KIF19: variants seen among roughly 807,000 people sequenced by gnomAD.
KIF19 encodes the protein kinesin family member 19.
A neutral mutation model predicts 106.6 loss-of-function variants in KIF19; 98 were observed. The observed-to-expected ratio is 0.92, with a 90% confidence interval of 0.78 to 1.09. The LOEUF (loss-of-function observed/expected upper bound fraction) is 1.09, where lower values mean the gene tolerates loss of function less well. Ranked by LOEUF, KIF19 falls within the 50% of genes least tolerant of loss-of-function variation. The probability of loss-of-function intolerance (pLI) is 0.00; values close to 1 mark genes in which losing one functional copy is unlikely to be tolerated. For synonymous variants in KIF19, 516 were observed against 584.2 expected (o/e 0.88, Z 1.68); for missense variants, 1,373 against 1,414.3 (o/e 0.97, Z 0.47).
Position 74,342,640 on chromosome 17 carries a change from A to C in KIF19, c.242A>C (p.Tyr81Ser). 6.2e-7 allele frequency: 1 copy of C among 1,613,202 alleles called. No individual in the cohort carries two copies. Among genetic ancestry groups the C allele is most frequent in the Non-Finnish European group, 8.5e-7 (1 of 1,179,586 alleles). Reference sequence around the variant, plus strand: ...CTTCCTTCCTCGCAGGAGATGGTGTATCAGGCCACCACCAAGAGCCTCATC... The same window carrying C: ...CTTCCTTCCTCGCAGGAGATGGTGTCTCAGGCCACCACCAAGAGCCTCATC... Reference protein sequence around the residue: ...FDFTATQEMVYQATTKSLIEG... With the variant: ...FDFTATQEMVSQATTKSLIEG... Residue 81 changes from tyrosine (Y) to serine (S), a missense_variant, in exon 4 of 20, where the codon TAT becomes TCT. Tyr to Ser is a moderately radical substitution (Grantham distance 144, BLOSUM62 -2). Coordinates refer to ENST00000389916, the MANE Select transcript of KIF19 (RefSeq NM_153209.4).
chr17:74,334,460 T>C (rs2054174456), intron 2 of KIF19, among the ~76,000 whole-genome samples: 4 of 152,148 alleles, frequency 2.6e-5, no homozygotes. Flanking sequence ...TATTCTTGGT[T>C]ATACACACTC....
intron 4 of KIF19, 144 bp downstream of exon 4, chr17:74,342,861 C>A: frequency 1.7e-6 from 2 of 1,184,742 alleles, no homozygotes; most frequent in Non-Finnish European, 2.4e-6. Context: ...GCCCCAGAGG[C>A]CCCAACCCGA....
chr17:74,343,411 ACCTCACCAT>A (rs1239194861), intron 5 of KIF19, among the ~76,000 whole-genome samples: 2 of 152,046 alleles, frequency 1.3e-5, no homozygotes, highest in East Asian at 3.9e-4. Context: ...CACGCTCACC[ACCTCACCAT>A]CCTCACAGGC....
intron 3 of KIF19, 32 bp downstream of exon 3, chr17:74,342,018 G>T (rs765042545): frequency 7.1e-7 from 1 of 1,416,458 alleles, no homozygotes; most frequent in Non-Finnish European, 9.3e-7. Context: ...AGACACGCAG[G>T]AGCCCCTCCC....
intron 2 of KIF19, 42 bp downstream of exon 2, chr17:74,328,547 G>A (rs762684759): frequency 6.6e-7 from 1 of 1,518,028 alleles, no homozygotes; most frequent in African/African-American, 1.4e-5. Flanking sequence ...GCAGAGGTCT[G>A]CTCAGATGGC....
chr17:74,354,407 G>T lies in KIF19; in HGVS notation c.2554G>T (p.Glu852Ter), dbSNP rs372963418. Residue 852 changes from glutamate (E) to a stop codon, truncating the protein, a stop_gained, in exon 18 of 20, where the codon GAG becomes TAG. Coordinates refer to ENST00000389916, the MANE Select transcript of KIF19 (RefSeq NM_153209.4). LOFTEE classifies it high-confidence loss of function. Reference protein sequence around the residue: ...SEDNLSSSTGEAPSRAVGHHG... With the variant: ...SEDNLSSSTG Reference sequence around the variant, plus strand: ...GGACAACCTGTCCAGCAGCACGGGCGAGGCCCCGTCCCGGGCAGTCGGACA... The same window carrying T: ...GGACAACCTGTCCAGCAGCACGGGCTAGGCCCCGTCCCGGGCAGTCGGACA... 2 of 1,611,204 alleles carry T rather than the reference G, an allele frequency of 1.2e-6. No homozygotes were observed. The highest frequency in any genetic ancestry group is 1.7e-6 in the Non-Finnish European group (2 of 1,179,296).
chr17:74,347,494 G>A (rs553025220), intron 8 of KIF19, among the ~76,000 whole-genome samples: 9 of 149,324 alleles, frequency 6.0e-5, no homozygotes, highest in East Asian at 2.0e-4. Context: ...CTGAGACAGC[G>A]CCACTGCACT....
chr17:74,349,474 C>A (rs1168511202), intron 10 of KIF19, 125 bp downstream of exon 10: 18 of 896,390 alleles, frequency 2.0e-5, no homozygotes, highest in Non-Finnish European at 3.0e-5. Flanking sequence ...GAGCTAGGCA[C>A]TCACCAGCTC....
rs752321984 is a variant in KIF19, at chr17:74,346,349, C to G, written c.778-29C>G. On this transcript the variant is annotated intron_variant, in intron 7 of 19. Coordinates refer to ENST00000389916, the MANE Select transcript of KIF19 (RefSeq NM_153209.4). The surrounding 1 kb of genome is among the most constrained non-coding windows in gnomAD (Gnocchi z 4.6). ...AACCCAGTCCCCTGCCTCATCAGGC[C>G]ACACGTGTGCCCTTTGCTCGCCCCC... 3 of 1,559,138 alleles carry G rather than the reference C, an allele frequency of 1.9e-6. No homozygotes were observed. In the African/African-American group the frequency reaches 4.1e-5, roughly 21 times the overall value.
At chr17:74,347,651 C>A (rs2054574380) in intron 8 of KIF19, 126 bp from the exon 9 acceptor site, 3 of 1,109,544 alleles carry the variant, frequency 2.7e-6, no homozygotes, top group Non-Finnish European at 1.3e-6. Flanking sequence ...TGACGCTCAG[C>A]AGCCGGGTCC....
At chr17:74,351,839 G>A in intron 12 of KIF19, 28 bp from the exon 13 acceptor site, 4 of 1,374,932 alleles carry the variant, frequency 2.9e-6, no homozygotes, top group Non-Finnish European at 3.7e-6. Flanking sequence ...TCTCCCCGCT[G>A]CCAGATGCTG....
chr17:74,345,552 T>TTGG (rs1347156055), intron 7 of KIF19, among the ~76,000 whole-genome samples: 2 of 152,134 alleles, frequency 1.3e-5, no homozygotes, highest in Non-Finnish European at 2.9e-5. Context: ...CTCTGCAGCC[T>TTGG]TGGTGGCAGC....
chr17:74,342,529 A>G (rs2054410081), intron 3 of KIF19, 101 bp from the exon 4 acceptor site: 2 of 803,728 alleles, frequency 2.5e-6, no homozygotes, highest in Non-Finnish European at 2.0e-6. Context: ...CTGGGGCTCC[A>G]GGGACAGAAA....
rs376982886 is a variant in KIF19, at chr17:74,352,092, A to G, written c.1813A>G (p.Ser605Gly). ...CGTGCGCCGCCTGGAGCAGCACCGC[A>G]GTCTCTGCGACGAGATTATCCAGGG... Reference protein sequence around the residue: ...EAVRRLEQHRSLCDEIIQGQR... With the variant: ...EAVRRLEQHRGLCDEIIQGQR... Residue 605 changes from serine (S) to glycine (G), a missense_variant, in exon 13 of 20, where the codon AGT (serine) becomes GGT (glycine). Physicochemically the swap from Ser to Gly is moderately conservative, Grantham distance 56. Around this residue, in one of 3 missense-constraint regions of KIF19, gnomAD observed 1,020 missense variants for 1,008.2 expected, o/e 1.01. Coordinates refer to ENST00000389916, the MANE Select transcript of KIF19 (RefSeq NM_153209.4). 3.2e-4 allele frequency: 503 copies of G among 1,590,258 alleles called. 6 individuals are homozygous for G. In the East Asian group the frequency reaches 8.5e-3, roughly 27 times the overall value.
At chr17:74,349,163 C>T (rs760518145) in intron 9 of KIF19, 21 bp from the exon 10 acceptor site, 99 of 1,613,418 alleles carry the variant, frequency 6.1e-5, no homozygotes, top group Non-Finnish European at 4.2e-5. Flanking sequence ...ATCCCCTCCG[C>T]TCCATACGTG....
At chr17:74,349,446 C>T in intron 10 of KIF19, 97 bp downstream of exon 10, 4 of 1,301,224 alleles carry the variant, frequency 3.1e-6, no homozygotes, top group East Asian at 2.6e-5. Flanking sequence ...GAATCGGGCT[C>T]TTTCTGGCTG....
At position 74,341,889 on chromosome 17, in the gene KIF19, T is replaced by C. The variant is rs371624398; in HGVS notation, c.134T>C (p.Met45Thr). ...GGGACCTTGCAGATGGTGGTTCTCA[T>C]GGACCCAATGGAGGATCCCGACGAC... ...HKVDEQMVVL[M>T]DPMEDPDDIL... Residue 45 changes from methionine (M) to threonine (T), a missense_variant, in exon 3 of 20, where the codon ATG becomes ACG. Physicochemically the swap from Met to Thr is moderately conservative, Grantham distance 81 (BLOSUM62 -1). This residue lies in a region of KIF19 where 348 missense variants were observed against 389.5 expected (regional missense o/e 0.89). Transcript: ENST00000389916. The C allele has an allele frequency of 1.9e-6, 3 of 1,613,640 alleles. No individual in the cohort carries two copies. The highest frequency in any genetic ancestry group is 4.5e-5 in the East Asian group (2 of 44,856).
Position 74,354,524 on chromosome 17 carries a change from C to G in KIF19, c.2671C>G (p.Arg891Gly). Residue 891 changes from arginine to glycine, a missense_variant, in exon 18 of 20, where the codon CGG (arginine) becomes GGG (glycine). Physicochemically the swap from Arg to Gly is moderately radical, Grantham distance 125. Around this residue, in one of 3 missense-constraint regions of KIF19, gnomAD observed 1,020 missense variants for 1,008.2 expected, o/e 1.01. Transcript: ENST00000389916. ...EESLEAKRRKRRSRSFEVTGQ... is the reference protein window; with the variant it reads ...EESLEAKRRKGRSRSFEVTGQ... Reference sequence around the variant, plus strand: ...GTCGCTGGAGGCAAAGAGAAGGAAGCGGAGGTCCCGATCCTTCGAGGTCAC... The same window carrying G: ...GTCGCTGGAGGCAAAGAGAAGGAAGGGGAGGTCCCGATCCTTCGAGGTCAC... 1 of 1,601,672 alleles carries G rather than the reference C, an allele frequency of 6.2e-7. No individual in the cohort carries two copies. The highest frequency in any genetic ancestry group is 1.1e-5 in the South Asian group (1 of 88,988).
chr17:74,347,561 G>T (rs150363889), intron 8 of KIF19, among the ~76,000 whole-genome samples: 51 of 149,884 alleles, frequency 3.4e-4, no homozygotes, highest in African/African-American at 1.2e-3. Context: ...AAGAACTAAA[G>T]AGGTGAATGA....
Sources: gnomAD v4.1 joint callset for allele counts (sites outside exome capture counted in the v4.1 genomes callset) on GRCh38, gnomAD v4.1.1 for gene constraint, gnomAD v4.1.1 regional missense constraint, Gnocchi (gnomAD v3.1) non-coding constraint, MANE v1.5 for transcripts, NCBI Gene and HGNC (gene_info 2026-07-23, HGNC 2026-07-21) for gene names.